PLA2G4C: variants seen among roughly 807,000 people sequenced by gnomAD.
PLA2G4C encodes the protein cytosolic phospholipase A2 gamma.
In PLA2G4C, 64 loss-of-function variants were observed where a neutral mutation model predicts 73.8. The observed-to-expected ratio is 0.87, with a 90% CI of 0.71 to 1.07. The LOEUF (loss-of-function observed/expected upper bound fraction) is 1.07, where lower values mean the gene tolerates loss of function less well. PLA2G4C is among the 50% of genes least tolerant of loss of function. The pLI, the probability that PLA2G4C is intolerant of heterozygous loss-of-function variation, is 0.00. For missense variants in PLA2G4C, 622 were observed against 665.4 expected (o/e 0.93, Z 0.72); for synonymous variants, 254 against 252.1 (o/e 1.01, Z -0.07).
At chr19:48,095,905 G>A (rs10413611) in intron 6 of PLA2G4C, among the ~76,000 whole-genome samples, 11,819 of 152,200 alleles carry the variant, frequency 0.078, 1,057 homozygotes, top group East Asian at 0.24. Context: ...TGGAGTGCAA[G>A]GGAAGAGTGT....
In PLA2G4C at chr19:48,069,890, A is replaced by G. The variant is rs189525635; in HGVS notation, c.1007-2004T>C. On this transcript the variant is annotated intron_variant, in intron 12 of 16. Coordinates refer to ENST00000599921, the MANE Select transcript of PLA2G4C (RefSeq NM_003706.3). ...AGTGATTCTCCTGCCTCAGCCTCCCAAATAGCTAGGACCACAGGCACCCAC... is the reference window on the plus strand; with the variant it reads ...AGTGATTCTCCTGCCTCAGCCTCCCGAATAGCTAGGACCACAGGCACCCAC... Among the ~76,000 whole-genome samples the G allele has an allele frequency of 1.7e-3, 261 of 152,194 alleles. 7 individuals carry two copies. The highest frequency in any genetic ancestry group is 1.2e-3 in the South Asian group (6 of 4,812).
Position 48,110,536 on chromosome 19 carries a change from C to CGGAATCCGGTGCGGAGGCTTGGGCTCG in PLA2G4C, c.-83_-82insCGAGCCCAAGCCTCCGCACCGGATTCC. ...CGCATGCGCGGTGGAGCTTGTGCTC[C>CGGAATCCGGTGCGGAGGCTTGGGCTCG]GGAATCCGGTGCGGAGGCTTGGGCT... On this transcript the variant is annotated 5_prime_UTR_variant, in exon 1 of 17. Coordinates refer to ENST00000599921, the MANE Select transcript of PLA2G4C (RefSeq NM_003706.3). The CGGAATCCGGTGCGGAGGCTTGGGCTCG allele has an allele frequency of 1.3e-6, 2 of 1,532,984 alleles. No homozygotes were observed. The highest frequency in any genetic ancestry group is 2.5e-5 in the East Asian group (1 of 39,958). The allele number at this position is 1,532,984 out of a possible 1,614,324, so 95.0% of individuals were successfully genotyped here.
intron 2 of PLA2G4C, among the ~76,000 whole-genome samples, chr19:48,106,160 G>A (rs2032227800): frequency 6.7e-6 from 1 of 150,030 alleles, no homozygotes. Flanking sequence ...ATAGCTTACT[G>A]CAGCCTTGAA....
chr19:48,061,869 C>T (rs773371541), intron 14 of PLA2G4C, 129 bp downstream of exon 14: 4 of 921,352 alleles, frequency 4.3e-6, no homozygotes, highest in Non-Finnish European at 6.7e-6. Context: ...TGATTTGGCT[C>T]TCTGGACTTC....
chr19:48,058,140 A>T (rs547556578), intron 14 of PLA2G4C, among the ~76,000 whole-genome samples: 2 of 151,948 alleles, frequency 1.3e-5, no homozygotes, highest in East Asian at 4.0e-4. Context: ...CTCTACTAAA[A>T]ATACAAAAAT....
intron 2 of PLA2G4C, 160 bp from the exon 3 acceptor site, chr19:48,105,604 G>A (rs889543372): frequency 3.3e-6 from 2 of 603,738 alleles, no homozygotes; most frequent in East Asian, 5.5e-5. Flanking sequence ...ACTAGATAGA[G>A]GTGATGGTTG....
At chr19:48,092,026 C>T (rs755869402) in intron 7 of PLA2G4C, among the ~76,000 whole-genome samples, 1 of 151,272 alleles carries the variant, frequency 6.6e-6, no homozygotes, top group Non-Finnish European at 1.5e-5. Flanking sequence ...TAAAATGGTA[C>T]AGCCACTGTG....
At chr19:48,063,736 T>C (rs904706471) in intron 13 of PLA2G4C, 3 of 151,244 alleles carry the variant, frequency 2.0e-5, no homozygotes, top group African/African-American at 7.3e-5. Context: ...GATGCCCTCC[T>C]CCCTTTGGGG....
At chr19:48,105,196 T>A in intron 3 of PLA2G4C, 137 bp downstream of exon 3, 1 of 618,770 alleles carries the variant, frequency 1.6e-6, no homozygotes, top group Non-Finnish European at 2.9e-6. Flanking sequence ...CCCATAGAAG[T>A]TCATATCCTT....
intron 1 of PLA2G4C, 98 bp downstream of exon 1, chr19:48,110,383 AAAAAAG>A: frequency 2.8e-6 from 2 of 703,838 alleles, no homozygotes; most frequent in South Asian, 5.5e-5. Flanking sequence ...AAAATAAAAT[AAAAAAG>A]AAAAAGAAAT....
intron 9 of PLA2G4C, among the ~76,000 whole-genome samples, chr19:48,088,142 T>G (rs1336100092): frequency 6.6e-6 from 1 of 152,088 alleles, no homozygotes; most frequent in African/African-American, 2.4e-5. Flanking sequence ...GCATGCCTTG[T>G]GGGGAATGAG....
At chr19:48,099,608 C>G (rs2031788460) in intron 5 of PLA2G4C, 63 bp downstream of exon 5, 1 of 1,218,270 alleles carries the variant, frequency 8.2e-7, no homozygotes. Context: ...TCTTTGGTAA[C>G]CCCACACCCT....
intron 13 of PLA2G4C, among the ~76,000 whole-genome samples, chr19:48,066,828 G>C (rs570966811): frequency 1.3e-5 from 2 of 152,042 alleles, no homozygotes; most frequent in South Asian, 2.1e-4. Flanking sequence ...AATTAGCCAG[G>C]CATGGTGCTG....
At chr19:48,055,128 C>T (rs931045783) in intron 14 of PLA2G4C, 79 bp from the exon 15 acceptor site, 5 of 1,245,484 alleles carry the variant, frequency 4.0e-6, no homozygotes, top group Non-Finnish European at 5.6e-6. Context: ...CCTGGAGACC[C>T]AATGGGACCT....
chr19:48,081,544 G>A (rs541263044), intron 10 of PLA2G4C, among the ~76,000 whole-genome samples: 56 of 151,722 alleles, frequency 3.7e-4, no homozygotes, highest in Admixed American at 2.2e-3. Context: ...GATCACCTGA[G>A]GTCAGGAGTT....
intron 6 of PLA2G4C, among the ~76,000 whole-genome samples, chr19:48,096,369 G>C (rs1287705747): frequency 6.6e-6 from 1 of 152,050 alleles, no homozygotes; most frequent in African/African-American, 2.4e-5. Context: ...GATCACCTAA[G>C]GTCAGGAGTT....
chr19:48,081,507 C>T (rs991601843), intron 10 of PLA2G4C, among the ~76,000 whole-genome samples: 5 of 151,956 alleles, frequency 3.3e-5, no homozygotes, highest in African/African-American at 9.7e-5. Context: ...CCTGTAATCC[C>T]GGCACTTTGG....
chr19:48,085,107 A>G lies in PLA2G4C; in HGVS notation c.796T>C (p.Trp266Arg). The change falls in exon 10 of 17, where the codon TGG (tryptophan) becomes CGG (arginine). Residue 266 changes from tryptophan (W) to arginine (R), a missense_variant. Transcript: ENST00000599921. The stretch of plus-strand genomic sequence containing the variant: ...TTAGCATTAGCAACAGCCCTTCTCC[A>G]TAAACCTGCCAAGAAAATAGCAATA... ...QLRNLTLKGLWRRAVANAKSI... is the reference protein window; with the variant it reads ...QLRNLTLKGLRRRAVANAKSI... The G allele has an allele frequency of 6.2e-7, 1 of 1,610,186 alleles. No individual in the cohort carries two copies. Among genetic ancestry groups the G allele is most frequent in the Non-Finnish European group, 8.5e-7 (1 of 1,176,418 alleles).
At chr19:48,064,144 T>C (rs1968313984) in intron 13 of PLA2G4C, among the ~76,000 whole-genome samples, 1 of 152,010 alleles carries the variant, frequency 6.6e-6, no homozygotes, top group Non-Finnish European at 1.5e-5. Flanking sequence ...ATTACTCTAT[T>C]TTGGCCGGGC....
Sources: allele counts gnomAD v4.1 joint callset (sites outside exome capture counted in the v4.1 genomes callset), GRCh38; gene constraint gnomAD v4.1.1; transcripts MANE v1.5; gene names NCBI Gene and HGNC (gene_info 2026-07-23, HGNC 2026-07-21).